The following CEP128 variants were observed in gnomAD, a reference collection of about 807,000 sequenced individuals.
CEP128 encodes centrosomal protein 128kDa.
CEP128 carries 132 observed loss-of-function variants against 156.7 expected under a neutral mutation model. That is an observed-to-expected ratio of 0.84 (90% CI 0.73 to 0.97). The LOEUF (loss-of-function observed/expected upper bound fraction) is 0.97, where lower values mean the gene tolerates loss of function less well. CEP128 is among the 50% of genes least tolerant of loss of function. The probability of loss-of-function intolerance (pLI) is 0.00; values close to 1 mark genes in which losing one functional copy is unlikely to be tolerated. For synonymous variants in CEP128, 469 were observed against 448.9 expected, an observed-to-expected ratio of 1.04 and a Z score of -0.57; for missense variants, 1,252 against 1,281.9, an observed-to-expected ratio of 0.98 and a Z score of 0.36.
At chr14:80,825,485 AT>A (rs1885422506) in intron 13 of CEP128, among the ~76,000 whole-genome samples, 1 of 152,214 alleles carries the variant, frequency 6.6e-6, no homozygotes, top group Admixed American at 6.5e-5. Flanking sequence ...GAAAATAGAT[AT>A]TTTATTTCTA....
chr14:80,900,539 T>A (rs946092828), intron 6 of CEP128, among the ~76,000 whole-genome samples: 2 of 152,228 alleles, frequency 1.3e-5, no homozygotes, highest in Non-Finnish European at 2.9e-5. Context: ...ACTCCTGCTG[T>A]ACAGAAACTC....
chr14:80,643,457 G>A (rs574157519), intron 19 of CEP128, among the ~76,000 whole-genome samples: 13 of 152,212 alleles, frequency 8.5e-5, no homozygotes, highest in East Asian at 7.8e-4. Flanking sequence ...GGTGGTTCAC[G>A]CCTGTAATCC....
chr14:80,564,663 G>C (rs1350778227), intron 20 of CEP128, among the ~76,000 whole-genome samples: 1 of 152,204 alleles, frequency 6.6e-6, no homozygotes, highest in Non-Finnish European at 1.5e-5. Flanking sequence ...TCAGTTCATG[G>C]TTTGACTCTG....
chr14:80,883,190 C>T (rs944211972), intron 8 of CEP128, among the ~76,000 whole-genome samples: 3 of 151,450 alleles, frequency 2.0e-5, no homozygotes, highest in Admixed American at 1.3e-4. Context: ...TACCTACCCG[C>T]AAAATTTTAA....
intron 19 of CEP128, among the ~76,000 whole-genome samples, chr14:80,676,931 T>C (rs1033862098): frequency 1.3e-4 from 20 of 152,292 alleles, no homozygotes; most frequent in Admixed American, 6.5e-4. Flanking sequence ...TTTATGATTG[T>C]GAATGAAATG....
chr14:80,729,757 T>G (rs1182376727), intron 19 of CEP128, among the ~76,000 whole-genome samples: 1 of 152,222 alleles, frequency 6.6e-6, no homozygotes, highest in African/African-American at 2.4e-5. Context: ...AAATTTTGCA[T>G]GAAGAATATT....
At chr14:80,842,114 T>A (rs956807995) in intron 9 of CEP128, among the ~76,000 whole-genome samples, 2 of 152,060 alleles carry the variant, frequency 1.3e-5, no homozygotes, top group Admixed American at 6.6e-5. Flanking sequence ...ATAATATTGA[T>A]TTTCCAAAAT....
chr14:80,909,302 C>A lies in CEP128; in HGVS notation c.235-3221G>T, dbSNP rs1237233575. ...GCCAAAAGCAGATCTTGCCAGCATC[C>A]TTTTTATGTAGGCTTATTTGCTAAC... On this transcript the variant is annotated intron_variant, in intron 4 of 24. Transcript: ENST00000555265. 2.0e-5 allele frequency among the ~76,000 whole-genome samples: 3 copies of A among 151,140 alleles called. No individual in the cohort carries two copies. The South Asian group carries it at 6.3e-4, about 32-fold the overall frequency.
At chr14:80,546,595 C>T (rs138910023) in intron 21 of CEP128, among the ~76,000 whole-genome samples, 1 of 152,318 alleles carries the variant, frequency 6.6e-6, no homozygotes, top group Non-Finnish European at 1.5e-5. Flanking sequence ...ATAGAATCCA[C>T]ATACTTTAAG....
intron 19 of CEP128, among the ~76,000 whole-genome samples, chr14:80,633,032 G>A (rs934757410): frequency 3.3e-5 from 5 of 152,198 alleles, no homozygotes; most frequent in Non-Finnish European, 4.4e-5. Context: ...TGCAAGAGCA[G>A]CCTGGGCAAC....
At chr14:80,688,196 A>C (rs540525149) in intron 19 of CEP128, among the ~76,000 whole-genome samples, 124 of 152,274 alleles carry the variant, frequency 8.1e-4, no homozygotes, top group African/African-American at 2.8e-3. Flanking sequence ...AAAAAAATTA[A>C]ATATTTTATT....
At chr14:80,679,023 A>G (rs1896204000) in intron 19 of CEP128, among the ~76,000 whole-genome samples, 1 of 152,198 alleles carries the variant, frequency 6.6e-6, no homozygotes, top group Admixed American at 6.5e-5. Context: ...TAATATGGAC[A>G]TTTATCACTT....
At chr14:80,514,743 G>A in intron 23 of CEP128, 1 of 319,536 alleles carries the variant, frequency 3.1e-6, no homozygotes, top group South Asian at 2.6e-5. Context: ...TTTGTCTGGT[G>A]AGGGCATATT....
At chr14:80,642,160 CT>C (rs1422224479) in intron 19 of CEP128, among the ~76,000 whole-genome samples, 1 of 151,408 alleles carries the variant, frequency 6.6e-6, no homozygotes, top group Non-Finnish European at 1.5e-5. Flanking sequence ...TTCCATCAGC[CT>C]ACAGACATTT....
chr14:80,655,284 T>C (rs1895081716), intron 19 of CEP128, among the ~76,000 whole-genome samples: 1 of 152,190 alleles, frequency 6.6e-6, no homozygotes. Context: ...ATCCAATCTC[T>C]TCATGTTGCT....
intron 19 of CEP128, among the ~76,000 whole-genome samples, chr14:80,713,129 T>C (rs985995362): frequency 9.9e-5 from 15 of 152,244 alleles, no homozygotes; most frequent in Admixed American, 3.3e-4. Context: ...TGGGAGGGAT[T>C]GCAGGTAAAA....
intron 19 of CEP128, among the ~76,000 whole-genome samples, chr14:80,597,950 C>CAA (rs34001813): frequency 0.062 from 4,928 of 79,706 alleles, 225 homozygotes; most frequent in African/African-American, 0.1. Flanking sequence ...TCCTCAGCTA[C>CAA]AAAAAAAAAA....
rs138953286 is a variant in CEP128 at position 80,711,295 on chromosome 14, T to TTGTGTGTGTGTGTGTG, written c.2806+31764_2806+31779dup. On this transcript the variant is annotated intron_variant, in intron 19 of 24. Coordinates refer to ENST00000555265, the MANE Select transcript of CEP128 (RefSeq NM_152446.5). ...CTAAAGACTGACATATAAGACTATG[T>TTGTGTGTGTGTGTGTG]TGTGTGTGTGTGTGTGTGTGTGTGT... Among the ~76,000 whole-genome samples the TTGTGTGTGTGTGTGTG allele has an allele frequency of 1.1e-3, 159 of 145,840 alleles. 1 individual carries two copies. Among genetic ancestry groups the TTGTGTGTGTGTGTGTG allele is most frequent in the African/African-American group, 2.1e-3 (81 of 39,136 alleles).
intron 2 of CEP128, among the ~76,000 whole-genome samples, chr14:80,952,445 T>C (rs1323008526): frequency 6.6e-6 from 1 of 152,060 alleles, no homozygotes. Flanking sequence ...AAAAAGTATT[T>C]TAAACTGAAT....
Sources: gnomAD v4.1 joint callset for allele counts (sites outside exome capture counted in the v4.1 genomes callset) on GRCh38, gnomAD v4.1.1 for gene constraint, MANE v1.5 for transcripts, NCBI Gene and HGNC (gene_info 2026-07-23, HGNC 2026-07-21) for gene names.